The following GNPTAB variants were observed in gnomAD, a reference collection of about 807,000 sequenced individuals.
GNPTAB encodes the protein N-acetylglucosamine-1-phosphotransferase subunits alpha/beta.
GNPTAB carries 92 observed loss-of-function variants against 136.6 expected under a neutral mutation model. The observed-to-expected ratio is 0.67, with a 90% CI of 0.57 to 0.80. The LOEUF (loss-of-function observed/expected upper bound fraction) is 0.80, where lower values mean the gene tolerates loss of function less well. GNPTAB is among the 30% of genes least tolerant of loss of function. The pLI, the probability that GNPTAB is intolerant of heterozygous loss-of-function variation, is 0.00. For missense variants in GNPTAB, 1,343 were observed against 1,501.8 expected, an observed-to-expected ratio of 0.89 and a Z score of 1.75; for synonymous variants, 512 against 535.1, an observed-to-expected ratio of 0.96 and a Z score of 0.60.
At chr12:101,797,007 GTTTA>G (rs1412872100) in intron 1 of GNPTAB, among the ~76,000 whole-genome samples, 42 of 152,098 alleles carry the variant, frequency 2.8e-4, no homozygotes, top group Admixed American at 2.7e-3. Flanking sequence ...AATCAAAGAG[GTTTA>G]AAAGGATGTG....
chr12:101,748,298 T>C (rs1952766229), intron 20 of GNPTAB, among the ~76,000 whole-genome samples: 1 of 152,190 alleles, frequency 6.6e-6, no homozygotes, highest in Non-Finnish European at 1.5e-5. Flanking sequence ...CTTGTCCTTC[T>C]TGGTATAAGT....
intron 2 of GNPTAB, among the ~76,000 whole-genome samples, chr12:101,790,634 G>C (rs1259879138): frequency 1.3e-5 from 2 of 151,728 alleles, no homozygotes; most frequent in South Asian, 2.1e-4. Flanking sequence ...GGGTATGGTG[G>C]TGTGCATCTG....
intron 5 of GNPTAB, among the ~76,000 whole-genome samples, chr12:101,782,657 C>G (rs1868405382): frequency 6.6e-6 from 1 of 152,192 alleles, no homozygotes; most frequent in African/African-American, 2.4e-5. Context: ...CATTTCTACT[C>G]AAAACCCTCT....
chr12:101,809,901 A>G (rs1001455470), intron 1 of GNPTAB, among the ~76,000 whole-genome samples: 2 of 152,258 alleles, frequency 1.3e-5, no homozygotes, highest in Admixed American at 6.5e-5. Context: ...ATCCTAGTGT[A>G]ATCTATGTAC....
At chr12:101,779,814 G>A (rs559120387) in intron 7 of GNPTAB, 46 of 339,712 alleles carry the variant, frequency 1.4e-4, no homozygotes, top group South Asian at 8.2e-4. Context: ...GTAGGAGCTC[G>A]TCTACGGCCA....
At chr12:101,795,293 G>A (rs1869214490) in intron 2 of GNPTAB, among the ~76,000 whole-genome samples, 1 of 152,140 alleles carries the variant, frequency 6.6e-6, no homozygotes, top group African/African-American at 2.4e-5. Flanking sequence ...TAAAGTTTCA[G>A]AACTGCTATA....
intron 1 of GNPTAB, among the ~76,000 whole-genome samples, chr12:101,825,055 G>C (rs746208815): frequency 2.0e-5 from 3 of 152,126 alleles, no homozygotes; most frequent in Admixed American, 6.6e-5. Context: ...TGTCAGAACT[G>C]CCTCGAGGAT....
chr12:101,801,228 T>A (rs1373904010), intron 1 of GNPTAB, among the ~76,000 whole-genome samples: 2 of 61,348 alleles, frequency 3.3e-5, no homozygotes, highest in East Asian at 6.7e-4. Context: ...CGAGACCCTG[T>A]CTCAAAAAAA....
intron 1 of GNPTAB, among the ~76,000 whole-genome samples, chr12:101,798,257 T>A (rs1033713527): frequency 1.3e-5 from 2 of 152,186 alleles, no homozygotes; most frequent in Admixed American, 6.5e-5. Context: ...TCCTTTTCCA[T>A]CTCCTTTGCC....
chr12:101,775,439 A>T (rs2137130783), intron 7 of GNPTAB, among the ~76,000 whole-genome samples: 1 of 150,138 alleles, frequency 6.7e-6, no homozygotes, highest in Non-Finnish European at 1.5e-5. Context: ...GGCTTGCTGC[A>T]ACCTCTGCCT....
In GNPTAB at chr12:101,801,338, T is replaced by C. The variant is rs532362180; in HGVS notation, c.118-4576A>G. 2.4e-4 allele frequency among the ~76,000 whole-genome samples: 36 copies of C among 150,198 alleles called. No individual in the cohort carries two copies. The South Asian group carries it at 7.6e-3, about 32-fold the overall frequency. ...GGGTGGATCACTTGAGCCCAGGAGT[T>C]CGAGACCAGCATAGGCAACACGGCA... On this transcript the variant is annotated intron_variant, in intron 1 of 20. Transcript: ENST00000299314.
chr12:101,783,720 C>CT (rs113705425), intron 5 of GNPTAB, among the ~76,000 whole-genome samples: 2,597 of 144,934 alleles, frequency 0.018, 24 homozygotes, highest in Non-Finnish European at 0.021. Flanking sequence ...CTAAAAATAA[C>CT]TTTTTTTTTT....
At chr12:101,776,672 T>A (rs1953266175) in intron 7 of GNPTAB, among the ~76,000 whole-genome samples, 2 of 152,252 alleles carry the variant, frequency 1.3e-5, no homozygotes, top group South Asian at 4.1e-4. Flanking sequence ...CTCCTGTGAA[T>A]AATCATACTG....
At chr12:101,777,747 A>G (rs1953280492) in intron 7 of GNPTAB, among the ~76,000 whole-genome samples, 1 of 152,184 alleles carries the variant, frequency 6.6e-6, no homozygotes, top group African/African-American at 2.4e-5. Context: ...AGTACTCATA[A>G]TGTAATCAGG....
At chr12:101,775,321 C>A (rs1953246558) in intron 7 of GNPTAB, among the ~76,000 whole-genome samples, 1 of 151,974 alleles carries the variant, frequency 6.6e-6, no homozygotes, top group Non-Finnish European at 1.5e-5. Flanking sequence ...CAAATTAGTG[C>A]CTTTAAGTGA....
rs569204958 is a variant in GNPTAB at position 101,801,440 on chromosome 12, T to A, written c.118-4678A>T. Among the ~76,000 whole-genome samples the A allele has an allele frequency of 2.6e-3, 378 of 142,840 alleles. 2 individuals carry two copies. Among genetic ancestry groups the A allele is most frequent in the African/African-American group, 9.4e-3 (360 of 38,178 alleles). 93.7% of individuals were successfully genotyped at this position (142,840 alleles called of 152,430 possible). On this transcript the variant is annotated intron_variant, in intron 1 of 20. Transcript: ENST00000299314. ...CTGTAGTCTCAGCTACCTGGGAGGCTGAAGCGGCAGAATCGCTTGAGCCTA... is the reference window on the plus strand; with the variant it reads ...CTGTAGTCTCAGCTACCTGGGAGGCAGAAGCGGCAGAATCGCTTGAGCCTA...
At chr12:101,752,839 G>A (rs184336440) in intron 19 of GNPTAB, among the ~76,000 whole-genome samples, 5 of 152,300 alleles carry the variant, frequency 3.3e-5, no homozygotes, top group Admixed American at 6.5e-5. Flanking sequence ...TAGACTGAAA[G>A]AACCCAGTTA....
chr12:101,764,988 A>C lies in GNPTAB; in HGVS notation c.1929T>G (p.Ser643=), dbSNP rs199921889. 2.7e-5 allele frequency: 44 copies of C among 1,614,128 alleles called. No homozygotes were observed. In the East Asian group the frequency reaches 7.8e-4, roughly 29 times the overall value. Residue 643 remains serine (S), a synonymous_variant, in exon 13 of 21, where the codon TCT becomes TCG. Transcript: ENST00000299314. ...VDTREGPKLN[S]TAQKGYENLV... ...AATTTTCGTAACCCTTCTGGGCTGTAGAATTCAGTTTTGGTCCCTCCCTTG... is the reference window on the plus strand; with the variant it reads ...AATTTTCGTAACCCTTCTGGGCTGTCGAATTCAGTTTTGGTCCCTCCCTTG...
At chr12:101,805,283 A>T (rs1869873061) in intron 1 of GNPTAB, among the ~76,000 whole-genome samples, 1 of 152,242 alleles carries the variant, frequency 6.6e-6, no homozygotes, top group Non-Finnish European at 1.5e-5. Flanking sequence ...TAACAAGTGA[A>T]TTTTATTTCA....
Sources: allele counts gnomAD v4.1 joint callset (sites outside exome capture counted in the v4.1 genomes callset), GRCh38; gene constraint gnomAD v4.1.1; transcripts MANE v1.5; gene names NCBI Gene and HGNC (gene_info 2026-07-23, HGNC 2026-07-21).